CDH20: variants seen among roughly 807,000 people sequenced by gnomAD.
CDH20 encodes the protein cadherin-20.
A neutral mutation model predicts 74.2 loss-of-function variants in CDH20; 29 were observed. The ratio of observed to expected loss-of-function variants is 0.39; its 90% confidence interval spans 0.29 to 0.53. The LOEUF (loss-of-function observed/expected upper bound fraction) is 0.53. CDH20 is among the 20% of genes least tolerant of loss of function. The pLI is 0.69. For missense variants in CDH20, 988 were observed against 1,048.3 expected (o/e 0.94, Z 0.79); for synonymous variants, 469 against 405.4 (o/e 1.16, Z -1.88).
At chr18:61,377,696 G>A (rs1279275543) in intron 1 of CDH20, among the ~76,000 whole-genome samples, 1 of 151,920 alleles carries the variant, frequency 6.6e-6, no homozygotes, top group Non-Finnish European at 1.5e-5. Flanking sequence ...ATCAAGATTA[G>A]GGATTCCTAC....
intron 1 of CDH20, among the ~76,000 whole-genome samples, chr18:61,378,140 A>C (rs116928064): frequency 0.039 from 5,995 of 152,286 alleles, 157 homozygotes; most frequent in South Asian, 0.075. Flanking sequence ...CCAGGAGCAG[A>C]TTAAATACTT....
chr18:61,536,999 T>C (rs1229278662), intron 8 of CDH20, among the ~76,000 whole-genome samples: 1 of 152,186 alleles, frequency 6.6e-6, no homozygotes, highest in Non-Finnish European at 1.5e-5. Flanking sequence ...ATTTATAACA[T>C]ATCACTCTTA....
intron 1 of CDH20, among the ~76,000 whole-genome samples, chr18:61,363,621 G>A (rs376142911): frequency 4.6e-5 from 7 of 152,266 alleles, no homozygotes; most frequent in African/African-American, 1.7e-4. Flanking sequence ...TGTCAACCTT[G>A]AATATTCGTG....
At chr18:61,507,008 A>G (rs556747726) in intron 5 of CDH20, among the ~76,000 whole-genome samples, 13 of 152,356 alleles carry the variant, frequency 8.5e-5, no homozygotes, top group African/African-American at 3.1e-4. Flanking sequence ...CACAGTGTTT[A>G]TCACTCTCAG....
intron 1 of CDH20, among the ~76,000 whole-genome samples, chr18:61,361,429 A>G (rs540157463): frequency 6.6e-6 from 1 of 152,334 alleles, no homozygotes; most frequent in African/African-American, 2.4e-5. Context: ...ATCTGGGCAA[A>G]CTGGCAGTAA....
intron 1 of CDH20, among the ~76,000 whole-genome samples, chr18:61,399,566 C>T (rs1912092460): frequency 6.6e-6 from 1 of 152,134 alleles, no homozygotes; most frequent in Admixed American, 6.6e-5. Context: ...CACTGGAAAA[C>T]ATACTACTGC....
chr18:61,341,806 G>A (rs1283162477), intron 1 of CDH20, among the ~76,000 whole-genome samples: 3 of 152,178 alleles, frequency 2.0e-5, no homozygotes, highest in African/African-American at 7.2e-5. Flanking sequence ...ATATCAAATT[G>A]CATTTAAAGC....
At chr18:61,393,026 G>A (rs1442062503) in intron 1 of CDH20, among the ~76,000 whole-genome samples, 2 of 152,126 alleles carry the variant, frequency 1.3e-5, no homozygotes, top group African/African-American at 2.4e-5. Flanking sequence ...AGACCCTCTT[G>A]AACCTAGTGG....
chr18:61,537,388 C>G (rs1392419427), intron 8 of CDH20, among the ~76,000 whole-genome samples: 2 of 152,062 alleles, frequency 1.3e-5, no homozygotes, highest in African/African-American at 4.8e-5. Context: ...AAAATTTCCA[C>G]TGCCATGTTA....
At chr18:61,393,746 T>A (rs1911869694) in intron 1 of CDH20, among the ~76,000 whole-genome samples, 1 of 152,214 alleles carries the variant, frequency 6.6e-6, no homozygotes. Flanking sequence ...GTTTAGGTAA[T>A]CATTTTCCTG....
At chr18:61,454,353 C>T (rs1477509687) in intron 1 of CDH20, among the ~76,000 whole-genome samples, 1 of 152,092 alleles carries the variant, frequency 6.6e-6, no homozygotes, top group Non-Finnish European at 1.5e-5. Context: ...TTATGAATTA[C>T]AAGATTAATG....
intron 1 of CDH20, among the ~76,000 whole-genome samples, chr18:61,388,526 T>G (rs1348548777): frequency 5.3e-5 from 8 of 152,182 alleles, no homozygotes; most frequent in Admixed American, 4.6e-4. Context: ...TTAAACGGAT[T>G]TAAGTGCTCA....
chr18:61,518,528 C>A (rs1356431825), intron 6 of CDH20, among the ~76,000 whole-genome samples: 3 of 151,198 alleles, frequency 2.0e-5, no homozygotes, highest in Non-Finnish European at 4.4e-5. Context: ...GCAGAGGGAC[C>A]TAACTGTTAG....
chr18:61,516,939 A>C (rs1423501511), intron 6 of CDH20, among the ~76,000 whole-genome samples: 1 of 152,150 alleles, frequency 6.6e-6, no homozygotes, highest in Non-Finnish European at 1.5e-5. Flanking sequence ...TGAGGGAGAC[A>C]ATAATCTTAG....
At chr18:61,336,543 T>G (rs763118562) in intron 1 of CDH20, among the ~76,000 whole-genome samples, 1 of 152,228 alleles carries the variant, frequency 6.6e-6, no homozygotes, top group Non-Finnish European at 1.5e-5. Flanking sequence ...GGACATGTTT[T>G]TCCCCTGGTG....
intron 9 of CDH20, among the ~76,000 whole-genome samples, chr18:61,539,464 T>A (rs1912948426): frequency 6.6e-6 from 1 of 152,096 alleles, no homozygotes; most frequent in African/African-American, 2.4e-5. Flanking sequence ...AACAAAAAAC[T>A]ATTTGGAACC....
In CDH20 at chr18:61,554,859, A is replaced by C; in HGVS notation, c.*164A>C. 1 of 1,406,326 alleles carries C rather than the reference A, an allele frequency of 7.1e-7. No individual in the cohort carries two copies. Among genetic ancestry groups the C allele is most frequent in the Non-Finnish European group, 9.2e-7 (1 of 1,082,748 alleles). 87.1% of individuals were successfully genotyped at this position (1,406,326 alleles called of 1,614,324 possible). A position where few individuals can be genotyped will look rare whatever the true frequency, so the allele number is the denominator to read the frequency against. ...GGATCAGCTTTACTTGGGTAGATTAAGTTAAATAAGCAAAAGGAAACCCAG... is the reference window on the plus strand; with the variant it reads ...GGATCAGCTTTACTTGGGTAGATTACGTTAAATAAGCAAAAGGAAACCCAG... On this transcript the variant is annotated 3_prime_UTR_variant, in exon 12 of 12. Transcript: ENST00000262717.
At chr18:61,546,487 T>C (rs766161350) in intron 10 of CDH20, among the ~76,000 whole-genome samples, 102 of 152,220 alleles carry the variant, frequency 6.7e-4, no homozygotes, top group Non-Finnish European at 1.0e-3. Context: ...AAGTTTTTAT[T>C]GGGTCAAAAT....
chr18:61,341,433 GC>G (rs1909946878), intron 1 of CDH20, among the ~76,000 whole-genome samples: 1 of 151,228 alleles, frequency 6.6e-6, no homozygotes, highest in African/African-American at 2.5e-5. Flanking sequence ...CCCCCCCCCC[GC>G]CTAATGCCGT....
Sources: allele counts gnomAD v4.1 joint callset (sites outside exome capture counted in the v4.1 genomes callset), GRCh38; gene constraint gnomAD v4.1.1; transcripts MANE v1.5; gene names NCBI Gene and HGNC (gene_info 2026-07-23, HGNC 2026-07-21).